DUS2: variants seen among roughly 807,000 people sequenced by gnomAD.
The protein encoded by DUS2 is tRNA-dihydrouridine(20) synthase [NAD(P)+]-like.
In DUS2, 52 loss-of-function variants were observed where a neutral mutation model predicts 71.3. That is an observed-to-expected ratio of 0.73 (90% confidence interval 0.58 to 0.92). DUS2 has a LOEUF of 0.92. Among genes scored for constraint, DUS2 ranks in the 40% least tolerant of loss-of-function variants. DUS2 has a pLI of 0.00. For synonymous variants in DUS2, 204 were observed against 227.8 expected (o/e 0.90, Z 0.94); for missense variants, 558 against 622.6 (o/e 0.90, Z 1.10).
chr16:68,052,106 T>C (rs946720328), intron 4 of DUS2, among the ~76,000 whole-genome samples: 3 of 151,958 alleles, frequency 2.0e-5, no homozygotes, highest in Admixed American at 6.6e-5. Flanking sequence ...AGTTTCACCA[T>C]GTTGCCCAGG....
chr16:68,023,309 C>A lies in DUS2; in HGVS notation c.-141C>A. The stretch of plus-strand genomic sequence containing the variant: ...AGTACGGTGTGTGGAGCTGGAGCAC[C>A]GTGAGGAAGAAGCGAGGTTCTTTTT... On this transcript the variant is annotated 5_prime_UTR_variant, in exon 1 of 17. Coordinates refer to ENST00000565263, the MANE Select transcript of DUS2 (RefSeq NM_017803.5). The A allele has an allele frequency of 7.6e-7, 1 of 1,312,734 alleles. No homozygotes were observed. Among genetic ancestry groups the A allele is most frequent in the Non-Finnish European group, 1.0e-6 (1 of 969,964 alleles). The allele number at this position is 1,312,734 out of a possible 1,614,324, so 81.3% of individuals were successfully genotyped here.
chr16:68,073,044 C>T (rs1384036196), intron 12 of DUS2, among the ~76,000 whole-genome samples: 1 of 152,202 alleles, frequency 6.6e-6, no homozygotes, highest in African/African-American at 2.4e-5. Context: ...TGGCACTGGA[C>T]CTGCCATGCC....
chr16:68,053,863 T>C, intron 5 of DUS2: 1 of 547,862 alleles, frequency 1.8e-6, no homozygotes. Flanking sequence ...GCTATCACAG[T>C]CTTATATGTC....
At chr16:68,034,153 C>A (rs1215627803) in intron 2 of DUS2, among the ~76,000 whole-genome samples, 2 of 152,150 alleles carry the variant, frequency 1.3e-5, no homozygotes, top group African/African-American at 4.8e-5. Context: ...TCGGCAACCT[C>A]TGCCTCCCAG....
chr16:68,066,288 T>C (rs894069673), intron 8 of DUS2, 29 bp from the exon 9 acceptor site: 1 of 1,609,556 alleles, frequency 6.2e-7, no homozygotes, highest in South Asian at 1.1e-5. Flanking sequence ...CCAGAAGACA[T>C]AGGTGCTCTT....
At chr16:68,074,252 G>A (rs956899157) in intron 13 of DUS2, 97 bp downstream of exon 13, 9 of 1,471,650 alleles carry the variant, frequency 6.1e-6, no homozygotes, top group Non-Finnish European at 8.4e-6. Context: ...CAGGGACACA[G>A]CTTCTGGATG....
chr16:68,057,245 T>TAGAG (rs1400258689), intron 7 of DUS2, among the ~76,000 whole-genome samples: 1 of 143,402 alleles, frequency 7.0e-6, no homozygotes, highest in South Asian at 2.1e-4. Flanking sequence ...CATATATATA[T>TAGAG]ATAGAGAGAG....
At position 68,074,680 on chromosome 16, in the gene DUS2, G is replaced by A. The variant is rs115530352; in HGVS notation, c.932+525G>A. ...TCCACACCTGTGCTTGTAATGGGTC[G>A]TCTGCCTGGAAGGCTCTCTCCCTCT... On this transcript the variant is annotated intron_variant, in intron 13 of 16. Transcript: ENST00000565263. Among the ~76,000 whole-genome samples, 1,044 of 152,338 alleles carry A rather than the reference G, an allele frequency of 6.9e-3. 17 individuals are homozygous for A. The highest frequency in any genetic ancestry group is 0.023 in the African/African-American group (973 of 41,572).
In DUS2 at chr16:68,078,788, C is replaced by G; in HGVS notation, c.1284C>G (p.Ile428Met). ...SKKLAEQAAA[I>M]VCLRSQGLPE... ...AACTGGCGGAGCAGGCTGCAGCCATCGTCTGTCTGCGGAGCCAGGGCCTCC... is the reference window on the plus strand; with the variant it reads ...AACTGGCGGAGCAGGCTGCAGCCATGGTCTGTCTGCGGAGCCAGGGCCTCC... Residue 428 changes from isoleucine to methionine, a missense_variant, in exon 17 of 17, where the codon ATC (isoleucine) becomes ATG (methionine). Coordinates refer to ENST00000565263, the MANE Select transcript of DUS2 (RefSeq NM_017803.5). 4 of 1,612,142 alleles carry G rather than the reference C, an allele frequency of 2.5e-6. No individual in the cohort carries two copies. In the Middle Eastern group the frequency reaches 6.7e-4, roughly 268 times the overall value.
At chr16:68,042,490 A>G (rs935669371) in intron 3 of DUS2, among the ~76,000 whole-genome samples, 2 of 152,132 alleles carry the variant, frequency 1.3e-5, no homozygotes, top group African/African-American at 4.8e-5. Flanking sequence ...CTAACAGCAC[A>G]CAAAGCTTCC....
At chr16:68,030,054 CT>C (rs1442212971) in intron 2 of DUS2, among the ~76,000 whole-genome samples, 1 of 151,570 alleles carries the variant, frequency 6.6e-6, no homozygotes, top group Non-Finnish European at 1.5e-5. Flanking sequence ...CCAGAAATTG[CT>C]TTTTAAGCAA....
intron 4 of DUS2, among the ~76,000 whole-genome samples, chr16:68,050,006 C>T (rs919294402): frequency 5.3e-5 from 8 of 152,118 alleles, no homozygotes; most frequent in South Asian, 2.1e-4. Flanking sequence ...GTACTGTGGA[C>T]GCCCTATGCT....
rs1567476653 is a variant in DUS2, at chr16:68,054,612, G to A, written c.303G>A (p.Arg101=). ...SDAERALAVA[R]LVENDVAGID... ...CAGAGCGAGCCCTTGCTGTGGCCAGGCTTGTGTAAGTTCATCCTCTGTCTT... is the reference window on the plus strand; with the variant it reads ...CAGAGCGAGCCCTTGCTGTGGCCAGACTTGTGTAAGTTCATCCTCTGTCTT... Residue 101 remains arginine (R), a synonymous_variant, in exon 6 of 17, where the codon AGG becomes AGA. Coordinates refer to ENST00000565263, the MANE Select transcript of DUS2 (RefSeq NM_017803.5). The A allele has an allele frequency of 1.2e-6, 2 of 1,614,156 alleles. No individual in the cohort carries two copies. The highest frequency in any genetic ancestry group is 8.5e-7 in the Non-Finnish European group (1 of 1,180,028).
chr16:68,039,419 C>T (rs1253571277), intron 3 of DUS2, among the ~76,000 whole-genome samples: 1 of 151,784 alleles, frequency 6.6e-6, no homozygotes, highest in Non-Finnish European at 1.5e-5. Flanking sequence ...GACCCTGTTT[C>T]TATTTTTTTT....
At chr16:68,054,464 T>G in intron 5 of DUS2, 110 bp from the exon 6 acceptor site, 9 of 1,180,924 alleles carry the variant, frequency 7.6e-6, no homozygotes, top group African/African-American at 1.5e-5. Flanking sequence ...CCTGACTCTG[T>G]TGTTGGTGTG....
At chr16:68,070,777 T>C (rs1350953174) in intron 11 of DUS2, among the ~76,000 whole-genome samples, 163 bp from the exon 12 acceptor site, 6 of 152,256 alleles carry the variant, frequency 3.9e-5, no homozygotes, top group Admixed American at 3.9e-4. Context: ...AACTTCATAA[T>C]GGGATATGGA....
At chr16:68,035,378 ACT>A (rs1164815175) in intron 2 of DUS2, among the ~76,000 whole-genome samples, 1 of 147,606 alleles carries the variant, frequency 6.8e-6, no homozygotes, top group Non-Finnish European at 1.5e-5. Context: ...TGTGTATCTG[ACT>A]CTGTGTTTTC....
chr16:68,074,780 C>T (rs192256126), intron 13 of DUS2, among the ~76,000 whole-genome samples: 2 of 152,334 alleles, frequency 1.3e-5, no homozygotes, highest in Non-Finnish European at 2.9e-5. Context: ...GATCTATCTT[C>T]GTTTGAGTCT....
At chr16:68,074,622 A>G (rs1028169146) in intron 13 of DUS2, among the ~76,000 whole-genome samples, 1 of 152,180 alleles carries the variant, frequency 6.6e-6, no homozygotes, top group Non-Finnish European at 1.5e-5. Context: ...CACTGCCCCC[A>G]CAGCTCCCTG....
Sources: allele counts gnomAD v4.1 joint callset (sites outside exome capture counted in the v4.1 genomes callset), GRCh38; gene constraint gnomAD v4.1.1; transcripts MANE v1.5; gene names NCBI Gene and HGNC (gene_info 2026-07-23, HGNC 2026-07-21).